WDR44: variants seen among roughly 807,000 people sequenced by gnomAD.
The protein encoded by WDR44 is WD repeat-containing protein 44.
WDR44 carries 9 observed loss-of-function variants against 65.7 expected under a neutral mutation model. The ratio of observed to expected loss-of-function variants is 0.14; its 90% CI spans 0.08 to 0.24. The LOEUF (loss-of-function observed/expected upper bound fraction) is 0.24, where lower values mean the gene tolerates loss of function less well. Ranked by LOEUF, WDR44 falls within the 10% of genes least tolerant of loss-of-function variation. WDR44 has a pLI of 1.00. For synonymous variants in WDR44, 220 were observed against 235.2 expected (o/e 0.94, Z 0.59); for missense variants, 425 against 670.9 (o/e 0.63, Z 4.05).
Position 118,393,064 on chromosome X carries a change from G to A in WDR44, c.619G>A (p.Glu207Lys), listed in dbSNP as rs1602914226. 2 of 1,211,950 alleles carry A rather than the reference G, an allele frequency of 1.7e-6. No homozygotes were observed. The highest frequency in any genetic ancestry group is 2.2e-6 in the Non-Finnish European group (2 of 895,564). Residue 207 changes from glutamate (E) to lysine (K), a missense_variant, in exon 4 of 20, where the codon GAA (glutamate) becomes AAA (lysine). Around this residue, in one of 5 missense-constraint regions of WDR44, gnomAD observed 193 missense variants for 209.0 expected, o/e 0.92. Coordinates refer to ENST00000254029, the MANE Select transcript of WDR44 (RefSeq NM_019045.5). The stretch of plus-strand genomic sequence containing the variant: ...ATCTACTAAAGATTTTGCCGCTGTG[G>A]AAGAAGTGGCCCCTGCCAAACCCCC... ...SLSTKDFAAV[E>K]EVAPAKPPRH...
chrX:118,360,117 G>A (rs1891236878), intron 1 of WDR44, among the ~76,000 whole-genome samples: 1 of 111,952 alleles, frequency 8.9e-6, no homozygotes, highest in Admixed American at 9.5e-5. Flanking sequence ...CTTAAAATAG[G>A]ACTGTGAGAA....
chrX:118,368,466 T>TATATATATATATATATATATATATATAC (rs1300570909), intron 1 of WDR44, among the ~76,000 whole-genome samples: 3 of 94,880 alleles, frequency 3.2e-5, no homozygotes, highest in Non-Finnish European at 6.0e-5. Context: ...TGACTATATA[T>TATATATATATATATATATATATATATAC]ATATATATAT....
chrX:118,418,538 CTA>C (rs776382443), intron 12 of WDR44, among the ~76,000 whole-genome samples: 15 of 111,509 alleles, frequency 1.3e-4, no homozygotes, highest in African/African-American at 4.9e-4. Flanking sequence ...TGTGAACCGT[CTA>C]TGGGTCTCTC....
intron 10 of WDR44, among the ~76,000 whole-genome samples, chrX:118,408,799 C>T (rs2056989240): frequency 8.9e-6 from 1 of 112,029 alleles, no homozygotes; most frequent in African/African-American, 3.2e-5. Context: ...TAGTGCTATG[C>T]TGAGGGCTCT....
At chrX:118,360,713 G>A (rs1022211381) in intron 1 of WDR44, among the ~76,000 whole-genome samples, 4 of 111,996 alleles carry the variant, frequency 3.6e-5, no homozygotes, top group African/African-American at 9.7e-5. Flanking sequence ...TCTTTGCTTT[G>A]CTTGATTCAG....
intron 1 of WDR44, among the ~76,000 whole-genome samples, chrX:118,368,712 CTTTT>C (rs57659623): frequency 4.0e-4 from 28 of 70,805 alleles, no homozygotes; most frequent in Admixed American, 1.8e-3. Flanking sequence ...CATACTCTTC[CTTTT>C]TTTTTTTTTT....
chrX:118,393,447 C>G lies in WDR44; in HGVS notation c.826+176C>G, dbSNP rs1296953308. On this transcript the variant is annotated intron_variant, in intron 4 of 19. Transcript: ENST00000254029. ...CAACAAAAAAAAATACAAAAGTTAG[C>G]TGGCCATGGTGGCACGCGCCTGTAG... Among the ~76,000 whole-genome samples, 3 of 111,020 alleles carry G rather than the reference C, an allele frequency of 2.7e-5. No homozygotes were observed. In the East Asian group the frequency reaches 8.5e-4, roughly 31 times the overall value.
At chrX:118,421,285 A>T (rs753756458) in intron 12 of WDR44, among the ~76,000 whole-genome samples, 1 of 112,184 alleles carries the variant, frequency 8.9e-6, no homozygotes. Flanking sequence ...CTACTTATAG[A>T]TCCTCAGCTA....
chrX:118,394,049 T>C lies in WDR44; in HGVS notation c.827-6T>C. ...GTTATTATTGTTGTTATTATTATCA[T>C]TGCAGTTCCCAAAGAGAATATTACG... On this transcript the variant is annotated splice_region_variant and splice_polypyrimidine_tract_variant and intron_variant, in intron 4 of 19. Transcript: ENST00000254029. 10 of 1,203,890 alleles carry C rather than the reference T, an allele frequency of 8.3e-6. No individual in the cohort carries two copies. Among genetic ancestry groups the C allele is most frequent in the Non-Finnish European group, 1.1e-5 (10 of 889,214 alleles).
At chrX:118,414,257 C>CTTT (rs565805780) in intron 12 of WDR44, among the ~76,000 whole-genome samples, 4,940 of 46,504 alleles carry the variant, frequency 0.11, 353 homozygotes, top group African/African-American at 0.19. Flanking sequence ...CTTGCGATTG[C>CTTT]TTTTTTTTTT....
At chrX:118,417,657 G>A (rs1310497903) in intron 12 of WDR44, among the ~76,000 whole-genome samples, 2 of 111,864 alleles carry the variant, frequency 1.8e-5, no homozygotes, top group Non-Finnish European at 3.8e-5. Context: ...ATGACAGTGT[G>A]CCTACGCGAT....
intron 13 of WDR44, among the ~76,000 whole-genome samples, chrX:118,434,182 A>G (rs1030791884): frequency 1.8e-5 from 2 of 112,093 alleles, no homozygotes; most frequent in Admixed American, 9.6e-5. Flanking sequence ...TTTCCATTCT[A>G]TCTCTTAGGA....
intron 1 of WDR44, among the ~76,000 whole-genome samples, chrX:118,353,885 A>G (rs1051672564): frequency 1.8e-5 from 2 of 112,534 alleles, no homozygotes; most frequent in African/African-American, 6.5e-5. Context: ...AGGTTGTAGA[A>G]AGAATGTTTG....
chrX:118,395,421 G>A, intron 6 of WDR44, 77 bp downstream of exon 6: 1 of 806,109 alleles, frequency 1.2e-6, no homozygotes, highest in South Asian at 2.5e-5. Context: ...AAACGTTCTG[G>A]AGATGGATGG....
chrX:118,418,593 G>A (rs1207994046), intron 12 of WDR44, among the ~76,000 whole-genome samples: 3 of 111,110 alleles, frequency 2.7e-5, no homozygotes. Context: ...GTGGCAGGGG[G>A]GTGAAATGGA....
chrX:118,346,085 T>C, upstream of WDR44: 1 of 297,929 alleles, frequency 3.4e-6, no homozygotes, highest in Non-Finnish European at 5.9e-6. Context: ...CTCCGAAATC[T>C]CGCGAGGGTA....
chrX:118,447,604 G>T (rs1028927675), intron 19 of WDR44, among the ~76,000 whole-genome samples: 3 of 110,760 alleles, frequency 2.7e-5, no homozygotes, highest in African/African-American at 3.3e-5. Flanking sequence ...GACATGTATA[G>T]GCTGGGCATG....
chrX:118,393,726 A>T (rs2056841426), intron 4 of WDR44, among the ~76,000 whole-genome samples: 1 of 112,420 alleles, frequency 8.9e-6, no homozygotes, highest in African/African-American at 3.2e-5. Flanking sequence ...TTCTTTAGTA[A>T]TAGACAAAAT....
chrX:118,436,918 T>C (rs2057259315), intron 14 of WDR44, 94 bp downstream of exon 14: 16 of 834,018 alleles, frequency 1.9e-5, no homozygotes, highest in Non-Finnish European at 2.6e-5. Context: ...GGAAAAAAAT[T>C]ATTAACAGCT....
Sources: allele counts gnomAD v4.1 joint callset (sites outside exome capture counted in the v4.1 genomes callset), GRCh38; gene constraint gnomAD v4.1.1; regional missense constraint gnomAD v4.1.1; transcripts MANE v1.5; gene names NCBI Gene and HGNC (gene_info 2026-07-23, HGNC 2026-07-21).